NPR1: variants seen among roughly 807,000 people sequenced by gnomAD.
NPR1 encodes atrial natriuretic peptide receptor 1.
Under a neutral mutation model 116.9 loss-of-function variants are expected in NPR1, and 57 were observed. The observed-to-expected ratio is 0.49, with a 90% confidence interval of 0.39 to 0.61. The LOEUF (loss-of-function observed/expected upper bound fraction) is 0.61. Ranked by LOEUF, NPR1 falls within the 20% of genes least tolerant of loss-of-function variation. The pLI, the probability that NPR1 is intolerant of heterozygous loss-of-function variation, is 0.00. For synonymous variants in NPR1, 555 were observed against 601.6 expected (o/e 0.92, Z 1.13); for missense variants, 1,096 against 1,409.8 (o/e 0.78, Z 3.56).
At chr1:153,691,897 A>G (rs956639322) in intron 20 of NPR1, among the ~76,000 whole-genome samples, 6 of 151,918 alleles carry the variant, frequency 3.9e-5, no homozygotes, top group African/African-American at 7.3e-5. Flanking sequence ...AAAAAAAAAA[A>G]AGAGAGAAAG....
chr1:153,688,865 C>A, intron 15 of NPR1, 88 bp from the exon 16 acceptor site: 1 of 1,544,024 alleles, frequency 6.5e-7, no homozygotes. Context: ...TCACTGCAGT[C>A]TGGAGGGGGA....
At chr1:153,686,559 A>G in intron 10 of NPR1, 87 bp from the exon 11 acceptor site, 1 of 1,064,444 alleles carries the variant, frequency 9.4e-7, no homozygotes, top group Non-Finnish European at 1.4e-6. Context: ...ATAAGGAGTT[A>G]AGAAGAGTGA....
At chr1:153,685,214 C>T (rs1001773353) in intron 8 of NPR1, 130 bp downstream of exon 8, 43 of 1,233,056 alleles carry the variant, frequency 3.5e-5, no homozygotes, top group East Asian at 7.7e-5. Flanking sequence ...TGACCTTGAG[C>T]GACTCATAGT....
rs1437742332 is a variant in NPR1 at position 153,679,351 on chromosome 1, G to T, written c.243G>T (p.Val81=). Residue 81 remains valine (V), a synonymous_variant, in exon 1 of 22, where the codon GTG becomes GTT. Transcript: ENST00000368680. The surrounding 1 kb of genome is among the most constrained non-coding windows in gnomAD (Gnocchi z 4.2). ...DLLPGWTVRT[V]LGSSENALGV... is the part of the protein sequence containing the mutation. ...TGCCGGGCTGGACGGTCCGCACGGTGCTGGGCAGCAGCGAAAACGCGCTGG... is the reference window on the plus strand; with the variant it reads ...TGCCGGGCTGGACGGTCCGCACGGTTCTGGGCAGCAGCGAAAACGCGCTGG... 3.2e-6 allele frequency: 5 copies of T among 1,539,402 alleles called. No individual in the cohort carries two copies. The highest frequency in any genetic ancestry group is 4.4e-6 in the Non-Finnish European group (5 of 1,148,602).
At chr1:153,687,611 G>A (rs760817916) in intron 13 of NPR1, 23 bp from the exon 14 acceptor site, 2 of 1,555,222 alleles carry the variant, frequency 1.3e-6, no homozygotes, top group Non-Finnish European at 1.7e-6. Flanking sequence ...CTCACTCGGT[G>A]ACTACCGACC....
At chr1:153,681,349 C>A in intron 3 of NPR1, 56 bp downstream of exon 3, 1 of 941,284 alleles carries the variant, frequency 1.1e-6, no homozygotes, top group Non-Finnish European at 1.7e-6. Flanking sequence ...ACTCCATGAC[C>A]CTCTGCCAGC....
rs758868496 is a variant in NPR1, at chr1:153,679,818, G to T, written c.710G>T (p.Arg237Leu). Reference protein sequence around the residue: ...HYTRLLRTMPRKGRVIYICSS... With the variant: ...HYTRLLRTMPLKGRVIYICSS... ...ACCAGGCTGCTGCGGACCATGCCGC[G>T]CAAAGGCCGAGGTGAGACGCTGGCA... Residue 237 changes from arginine (R) to leucine (L), a missense_variant, in exon 1 of 22, where the codon CGC becomes CTC. Arg to Leu is a moderately radical substitution (Grantham distance 102). Coordinates refer to ENST00000368680, the MANE Select transcript of NPR1 (RefSeq NM_000906.4). The surrounding 1 kb of genome is among the most constrained non-coding windows in gnomAD (Gnocchi z 4.2). 9.1e-6 allele frequency: 14 copies of T among 1,540,878 alleles called. No individual in the cohort carries two copies. The highest frequency in any genetic ancestry group is 1.1e-5 in the Non-Finnish European group (13 of 1,147,902).
In NPR1 at chr1:153,679,023, C is replaced by T. The variant is rs1669679298; in HGVS notation, c.-86C>T. 2.9e-6 allele frequency: 4 copies of T among 1,359,342 alleles called. No homozygotes were observed. Among genetic ancestry groups the T allele is most frequent in the Admixed American group, 7.6e-5 (2 of 26,148 alleles). The allele number at this position is 1,359,342 out of a possible 1,614,324, so 84.2% of individuals were successfully genotyped here. On this transcript the variant is annotated 5_prime_UTR_variant, in exon 1 of 22. Transcript: ENST00000368680. The surrounding 1 kb of genome is among the most constrained non-coding windows in gnomAD (Gnocchi z 4.2). ...CCTGCTCCTTCCCATAGGGACGCGC[C>T]TGATGCCTGGGACCGGCCGCTGAGC...
In NPR1 at chr1:153,693,387, G is replaced by T. The variant is rs1670157222; in HGVS notation, c.3159G>T (p.Gly1053=). ...KGKVRTYWLL[G]ERGSSTRG ...AGGTTCGGACCTACTGGCTCCTTGGGGAGAGGGGGAGTAGCACCCGAGGCT... is the reference window on the plus strand; with the variant it reads ...AGGTTCGGACCTACTGGCTCCTTGGTGAGAGGGGGAGTAGCACCCGAGGCT... The change falls in exon 22 of 22, where the codon GGG becomes GGT. Residue 1053 remains glycine (G), a synonymous_variant. Transcript: ENST00000368680. 1.2e-6 allele frequency: 2 copies of T among 1,612,512 alleles called. No homozygotes were observed. The highest frequency in any genetic ancestry group is 1.7e-6 in the Non-Finnish European group (2 of 1,179,320).
Position 153,679,811 on chromosome 1 carries a change from A to T in NPR1, c.703A>T (p.Met235Leu). Residue 235 changes from methionine (M) to leucine (L), a missense_variant, in exon 1 of 22, where the codon ATG becomes TTG. Coordinates refer to ENST00000368680, the MANE Select transcript of NPR1 (RefSeq NM_000906.4). The surrounding 1 kb of genome is among the most constrained non-coding windows in gnomAD (Gnocchi z 4.2). Reference protein sequence around the residue: ...LSHYTRLLRTMPRKGRVIYIC... With the variant: ...LSHYTRLLRTLPRKGRVIYIC... ...CCACTACACCAGGCTGCTGCGGACC[A>T]TGCCGCGCAAAGGCCGAGGTGAGAC... is the stretch of plus-strand genomic sequence containing the variant. The T allele has an allele frequency of 1.9e-6, 3 of 1,543,086 alleles. No individual in the cohort carries two copies. The highest frequency in any genetic ancestry group is 2.6e-6 in the Non-Finnish European group (3 of 1,148,702).
chr1:153,693,417 T>C lies in NPR1; in HGVS notation c.*3T>C. ...GGGGGAGTAGCACCCGAGGCTGACC[T>C]GCCTCCTCTCCTATCCCTCCACACC... On this transcript the variant is annotated 3_prime_UTR_variant, in exon 22 of 22. Coordinates refer to ENST00000368680, the MANE Select transcript of NPR1 (RefSeq NM_000906.4). 2 of 1,602,082 alleles carry C rather than the reference T, an allele frequency of 1.2e-6. No homozygotes were observed.
intron 20 of NPR1, among the ~76,000 whole-genome samples, chr1:153,690,740 G>A (rs992930470): frequency 2.6e-5 from 4 of 151,794 alleles, no homozygotes; most frequent in African/African-American, 7.3e-5. Flanking sequence ...TCGGGGGTTC[G>A]AGACCAGCCT....
intron 7 of NPR1, among the ~76,000 whole-genome samples, chr1:153,684,386 C>CTTTTTTTTTTTTTTTT (rs58272090): frequency 1.1e-4 from 10 of 88,976 alleles, no homozygotes; most frequent in South Asian, 4.3e-4. Context: ...TTCTTTCTTT[C>CTTTTTTTTTTTTTTTT]TTTTTTTTTT....
intron 19 of NPR1, 143 bp from the exon 20 acceptor site, chr1:153,690,141 T>TCTCTCA (rs1553231949): frequency 8.3e-5 from 30 of 363,260 alleles, no homozygotes; most frequent in Admixed American, 1.7e-4. Flanking sequence ...TCTCTCTCTC[T>TCTCTCA]CACACACACA....
At chr1:153,692,976 CT>C in intron 20 of NPR1, 129 bp from the exon 21 acceptor site, 3 of 726,172 alleles carry the variant, frequency 4.1e-6, no homozygotes, top group Non-Finnish European at 7.0e-6. Context: ...AGAGGGCTTC[CT>C]GGCCCAAAAG....
chr1:153,686,604 G>A, intron 10 of NPR1, 42 bp from the exon 11 acceptor site: 1 of 1,530,036 alleles, frequency 6.5e-7, no homozygotes. Flanking sequence ...TTGGTGAGGA[G>A]CGAGGTCTCT....
At chr1:153,686,090 T>C (rs1025282715) in intron 9 of NPR1, 33 bp from the exon 10 acceptor site, 37 of 1,605,136 alleles carry the variant, frequency 2.3e-5, no homozygotes, top group Non-Finnish European at 3.1e-5. Flanking sequence ...GGGACCATGC[T>C]CTTCACAGTG....
In NPR1 at chr1:153,693,429, T is replaced by C. The variant is rs1289312315; in HGVS notation, c.*15T>C. 4 of 1,572,820 alleles carry C rather than the reference T, an allele frequency of 2.5e-6. No homozygotes were observed. The African/African-American group carries it at 5.9e-5, about 23-fold the overall frequency. On this transcript the variant is annotated 3_prime_UTR_variant, in exon 22 of 22. Transcript: ENST00000368680. Reference sequence around the variant, plus strand: ...CCCGAGGCTGACCTGCCTCCTCTCCTATCCCTCCACACCTCCCTACCCTGT... The same window carrying C: ...CCCGAGGCTGACCTGCCTCCTCTCCCATCCCTCCACACCTCCCTACCCTGT...
intron 7 of NPR1, among the ~76,000 whole-genome samples, chr1:153,684,382 C>CT (rs1669867713): frequency 8.1e-6 from 1 of 123,102 alleles, no homozygotes; most frequent in Admixed American, 9.5e-5. Context: ...CTATTTCTTT[C>CT]TTTCTTTTTT....
Sources: gnomAD v4.1 joint callset for allele counts (sites outside exome capture counted in the v4.1 genomes callset) on GRCh38, gnomAD v4.1.1 for gene constraint, Gnocchi (gnomAD v3.1) non-coding constraint, MANE v1.5 for transcripts, NCBI Gene and HGNC (gene_info 2026-07-23, HGNC 2026-07-21) for gene names.